The following ARHGEF11 variants were observed in gnomAD, a reference collection of about 807,000 sequenced individuals.
ARHGEF11 encodes the protein Rho guanine nucleotide exchange factor 11, also known as Rho guanine exchange factor (GEF) 11.
ARHGEF11 carries 55 observed loss-of-function variants against 193.7 expected under a neutral mutation model. The ratio of observed to expected loss-of-function variants is 0.28; its 90% CI spans 0.23 to 0.36. The LOEUF is 0.36. Ranked by LOEUF, ARHGEF11 falls within the 10% of genes least tolerant of loss-of-function variation. The probability of loss-of-function intolerance (pLI) is 1.00; values close to 1 mark genes in which losing one functional copy is unlikely to be tolerated. For synonymous variants in ARHGEF11, 693 were observed against 768.0 expected (o/e 0.90, Z 1.62); for missense variants, 1,723 against 2,005.6 (o/e 0.86, Z 2.69).
At chr1:157,007,913 G>GTTTTTTTTTTTTTTTTTTTTT (rs10580966) in intron 1 of ARHGEF11, among the ~76,000 whole-genome samples, 2 of 118,846 alleles carry the variant, frequency 1.7e-5, no homozygotes, top group Non-Finnish European at 1.8e-5. Context: ...TTTTTTTTTT[G>GTTTTTTTTTTTTTTTTTTTTT]TTTTTTTTTT....
rs372040797 is a variant in ARHGEF11 at position 156,941,867 on chromosome 1, C to A, written c.3449G>T (p.Ser1150Ile). ...TCTGGAGGGCTAAGCACTGCACCTG[C>A]TGGGTGTGGGGCCCTGCTGGGCTGG... ...REPAQQGPTP[S>I]RVELDDSDVF... The change falls in exon 34 of 41, where the codon AGC (serine) becomes ATC (isoleucine). Residue 1150 changes from serine (S) to isoleucine (I), a missense_variant. Physicochemically the swap from Ser to Ile is moderately radical, Grantham distance 142. This residue lies in a region of ARHGEF11 where 203 missense variants were observed against 237.3 expected (regional missense o/e 0.86). Coordinates refer to ENST00000368194, the MANE Select transcript of ARHGEF11 (RefSeq NM_198236.3). 2.5e-6 allele frequency: 4 copies of A among 1,608,504 alleles called. No homozygotes were observed. Among genetic ancestry groups the A allele is most frequent in the Non-Finnish European group, 3.4e-6 (4 of 1,177,380 alleles).
intron 1 of ARHGEF11, among the ~76,000 whole-genome samples, chr1:157,022,089 T>C (rs370680598): frequency 7.2e-5 from 11 of 152,338 alleles, no homozygotes; most frequent in African/African-American, 2.6e-4. Flanking sequence ...TCATACTTAA[T>C]GGTGAAAAAC....
In ARHGEF11 at chr1:156,978,262, G is replaced by A; in HGVS notation, c.452C>T (p.Pro151Leu). ...AGGTGGTAGAGGTGGAGGAGGTGGTGGTGAGGGGATCACTGACGTGATTCG... is the reference window on the plus strand; with the variant it reads ...AGGTGGTAGAGGTGGAGGAGGTGGTAGTGAGGGGATCACTGACGTGATTCG... ...APRITSVIPS[P>L]PPPPPLPPPQ... is the part of the protein sequence containing the mutation. The change falls in exon 6 of 41, where the codon CCA (proline) becomes CTA (leucine). Residue 151 changes from proline (P) to leucine (L), a missense_variant. Coordinates refer to ENST00000368194, the MANE Select transcript of ARHGEF11 (RefSeq NM_198236.3). 1.2e-5 allele frequency: 20 copies of A among 1,614,184 alleles called. No individual in the cohort carries two copies. Among genetic ancestry groups the A allele is most frequent in the Non-Finnish European group, 1.7e-5 (20 of 1,180,042 alleles).
intron 1 of ARHGEF11, among the ~76,000 whole-genome samples, chr1:157,035,762 A>G (rs1671843753): frequency 7.1e-6 from 1 of 141,588 alleles, no homozygotes; most frequent in Non-Finnish European, 1.5e-5. Context: ...ATGTGGGAAT[A>G]TATATATATA....
At chr1:157,007,613 AG>A (rs1241797609) in intron 1 of ARHGEF11, among the ~76,000 whole-genome samples, 5 of 152,158 alleles carry the variant, frequency 3.3e-5, no homozygotes, top group Non-Finnish European at 7.3e-5. Flanking sequence ...AGCATCTGGG[AG>A]GAAGAACAAG....
chr1:157,039,309 G>A (rs561514452), intron 1 of ARHGEF11, among the ~76,000 whole-genome samples: 3 of 152,324 alleles, frequency 2.0e-5, no homozygotes, highest in Admixed American at 2.0e-4. Flanking sequence ...TTAGAGGCTG[G>A]CTAGCCTAAT....
chr1:156,981,898 A>G (rs1045530082), intron 3 of ARHGEF11, among the ~76,000 whole-genome samples: 1 of 152,192 alleles, frequency 6.6e-6, no homozygotes, highest in Non-Finnish European at 1.5e-5. Flanking sequence ...ATTTGCCCCA[A>G]CGTGATCATT....
chr1:156,959,774 T>C (rs1426813242), intron 15 of ARHGEF11, among the ~76,000 whole-genome samples: 1 of 152,178 alleles, frequency 6.6e-6, no homozygotes, highest in Non-Finnish European at 1.5e-5. Flanking sequence ...GATTAGCTTC[T>C]CAGGCTGACA....
chr1:156,952,298 C>A (rs762248392), intron 21 of ARHGEF11, among the ~76,000 whole-genome samples: 1 of 152,152 alleles, frequency 6.6e-6, no homozygotes, highest in East Asian at 1.9e-4. Flanking sequence ...CCTTTCAAAG[C>A]TAAGACAGAA....
At chr1:156,970,093 C>G (rs1189791425) in intron 8 of ARHGEF11, 50 bp from the exon 9 acceptor site, 1 of 1,548,192 alleles carries the variant, frequency 6.5e-7, no homozygotes, top group Non-Finnish European at 8.9e-7. Flanking sequence ...GCCTCTCCCC[C>G]TACGGTTTTC....
In ARHGEF11 at chr1:157,044,566, G is replaced by T. The variant is rs574749572; in HGVS notation, c.-236C>A. Reference sequence around the variant, plus strand: ...TCCCCCGCTTTAAAAAAAAAGAAAAGAAAAGAAAAAAGAAAAAAAAAGGAA... The same window carrying T: ...TCCCCCGCTTTAAAAAAAAAGAAAATAAAAGAAAAAAGAAAAAAAAAGGAA... On this transcript the variant is annotated 5_prime_UTR_variant, in exon 1 of 41. Transcript: ENST00000368194. 1 of 398,678 alleles carries T rather than the reference G, an allele frequency of 2.5e-6. No homozygotes were observed. Among genetic ancestry groups the T allele is most frequent in the Middle Eastern group, 5.6e-4 (1 of 1,770 alleles). 24.7% of individuals were successfully genotyped at this position (398,678 alleles called of 1,614,324 possible).
chr1:156,952,258 G>C (rs1011413779), intron 21 of ARHGEF11, among the ~76,000 whole-genome samples: 2 of 152,128 alleles, frequency 1.3e-5, no homozygotes, highest in African/African-American at 4.8e-5. Flanking sequence ...GAACAGAGGA[G>C]AGACTTCACT....
At chr1:156,954,166 G>C (rs1659553687) in intron 21 of ARHGEF11, among the ~76,000 whole-genome samples, 1 of 152,094 alleles carries the variant, frequency 6.6e-6, no homozygotes, top group African/African-American at 2.4e-5. Context: ...GATCGCCCGA[G>C]GTCAGGAGTT....
chr1:156,952,255 G>C (rs528556907), intron 21 of ARHGEF11, among the ~76,000 whole-genome samples: 36 of 152,262 alleles, frequency 2.4e-4, no homozygotes, highest in Middle Eastern at 6.8e-3. Flanking sequence ...GAGGAACAGA[G>C]GAGAGACTTC....
intron 37 of ARHGEF11, chr1:156,938,845 T>G: frequency 3.1e-6 from 1 of 319,856 alleles, no homozygotes; most frequent in Non-Finnish European, 5.7e-6. Context: ...CCCCATCCCA[T>G]GTGTGCCCCA....
At chr1:157,006,373 A>C (rs1366736130) in intron 1 of ARHGEF11, among the ~76,000 whole-genome samples, 1 of 152,218 alleles carries the variant, frequency 6.6e-6, no homozygotes, top group Non-Finnish European at 1.5e-5. Flanking sequence ...GGGCCAGTTT[A>C]ATTAGATGAC....
chr1:157,014,400 TCTCTC>T (rs1474529557), intron 1 of ARHGEF11, among the ~76,000 whole-genome samples: 2 of 152,112 alleles, frequency 1.3e-5, no homozygotes, highest in African/African-American at 4.8e-5. Context: ...CAATTCTCTC[TCTCTC>T]TTTTTTTTTC....
At chr1:157,039,548 C>A (rs1672479575) in intron 1 of ARHGEF11, among the ~76,000 whole-genome samples, 1 of 152,026 alleles carries the variant, frequency 6.6e-6, no homozygotes, top group Non-Finnish European at 1.5e-5. Flanking sequence ...TTCTTCAGTA[C>A]GGTTTACCCC....
chr1:156,942,753 G>A lies in ARHGEF11; in HGVS notation c.3263C>T (p.Thr1088Ile). 6.2e-7 allele frequency: 1 copy of A among 1,614,152 alleles called. No individual in the cohort carries two copies. The highest frequency in any genetic ancestry group is 8.5e-7 in the Non-Finnish European group (1 of 1,179,978). ...GATCTGGGGTGGGCCCAGCTTGGAG[G>A]TGCAGATGATGAAGAAGGCCCGTTT... ...TDKRAFFIIC[T>I]SKLGPPQIYE... is the part of the protein sequence containing the mutation. Residue 1088 changes from threonine (T) to isoleucine (I), a missense_variant, in exon 33 of 41, where the codon ACC (threonine) becomes ATC (isoleucine). Thr to Ile is a moderately conservative substitution (Grantham distance 89). Transcript: ENST00000368194.
Sources: gnomAD v4.1 joint callset for allele counts (sites outside exome capture counted in the v4.1 genomes callset) on GRCh38, gnomAD v4.1.1 for gene constraint, gnomAD v4.1.1 regional missense constraint, MANE v1.5 for transcripts, NCBI Gene and HGNC (gene_info 2026-07-23, HGNC 2026-07-21) for gene names.